The following ZNF678 variants were observed in gnomAD, a reference collection of about 807,000 sequenced individuals.
The protein encoded by ZNF678 is hypothetical protein MGC42493.
In ZNF678, 5 loss-of-function variants were observed where a neutral mutation model predicts 3.0. That is an observed-to-expected ratio of 1.69 (90% CI 0.88 to 3.56). The LOEUF (loss-of-function observed/expected upper bound fraction) is 3.56, where lower values mean the gene tolerates loss of function less well. ZNF678 is among the 30% of genes most tolerant of loss of function. The pLI is 0.00. For missense variants in ZNF678, 593 were observed against 605.0 expected, an observed-to-expected ratio of 0.98 and a Z score of 0.21; for synonymous variants, 218 against 199.6, an observed-to-expected ratio of 1.09 and a Z score of -0.78.
chr1:227,666,455 T>A (rs1456810535), downstream of ZNF678, among the ~76,000 whole-genome samples: 1 of 152,212 alleles, frequency 6.6e-6, no homozygotes, highest in Non-Finnish European at 1.5e-5. Context: ...CGTTCACTAA[T>A]GAGTCCTCTG....
rs571674223 is a variant in ZNF678, at chr1:227,629,106, G to A, written c.-163-17438G>A. ...TTGGGTTTCTGTACATTGGAGTATT[G>A]CAGGGGCTATTGCATGGTTTTACTA... On this transcript the variant is annotated intron_variant, in intron 1 of 3. Coordinates refer to ENST00000343776, the MANE Select transcript of ZNF678 (RefSeq NM_001367909.1). 1.6e-4 allele frequency among the ~76,000 whole-genome samples: 24 copies of A among 152,278 alleles called. No individual in the cohort carries two copies. The South Asian group carries it at 5.0e-3, about 32-fold the overall frequency.
chr1:227,609,217 A>C (rs956484397), intron 1 of ZNF678, among the ~76,000 whole-genome samples: 2 of 152,240 alleles, frequency 1.3e-5, no homozygotes, highest in Non-Finnish European at 2.9e-5. Context: ...TACAATGCAC[A>C]GTCAAAACAT....
intron 1 of ZNF678, among the ~76,000 whole-genome samples, chr1:227,635,099 A>AAAAG (rs58855256): frequency 6.6e-6 from 1 of 151,478 alleles, no homozygotes; most frequent in African/African-American, 2.4e-5. Context: ...AAAAAAAAAA[A>AAAAG]TCTTAATTCT....
At chr1:227,587,250 G>T (rs2102733997) in intron 1 of ZNF678, among the ~76,000 whole-genome samples, 1 of 74,858 alleles carries the variant, frequency 1.3e-5, no homozygotes, top group Admixed American at 1.3e-4. Flanking sequence ...GAGCATGTTA[G>T]ATTTTTTTTT....
intron 1 of ZNF678, among the ~76,000 whole-genome samples, chr1:227,610,757 C>A (rs1274537795): frequency 6.6e-6 from 1 of 152,108 alleles, no homozygotes; most frequent in Non-Finnish European, 1.5e-5. Flanking sequence ...GCTTTCCAAC[C>A]CCCCTAAGGT....
intron 1 of ZNF678, among the ~76,000 whole-genome samples, chr1:227,605,571 C>A (rs1048117326): frequency 6.6e-6 from 1 of 152,122 alleles, no homozygotes; most frequent in African/African-American, 2.4e-5. Flanking sequence ...TATATAGGTG[C>A]CCTTTAACAG....
intron 1 of ZNF678, among the ~76,000 whole-genome samples, chr1:227,580,254 C>T (rs1657091606): frequency 6.6e-6 from 1 of 152,128 alleles, no homozygotes; most frequent in African/African-American, 2.4e-5. Flanking sequence ...AAAAGCATAC[C>T]TGTCATCTCA....
intron 1 of ZNF678, among the ~76,000 whole-genome samples, chr1:227,644,108 G>A (rs896255713): frequency 2.0e-5 from 3 of 151,760 alleles, no homozygotes; most frequent in South Asian, 4.2e-4. Flanking sequence ...TAGGTGATCC[G>A]CCCGCCTCAG....
intron 1 of ZNF678, among the ~76,000 whole-genome samples, chr1:227,640,639 A>G (rs1658797166): frequency 6.6e-6 from 1 of 152,068 alleles, no homozygotes; most frequent in Non-Finnish European, 1.5e-5. Flanking sequence ...CGAATGTTCT[A>G]TTTGTGGGCC....
intron 1 of ZNF678, among the ~76,000 whole-genome samples, chr1:227,599,667 C>T (rs2999744): frequency 0.48 from 72,598 of 151,620 alleles, 18,600 homozygotes; most frequent in African/African-American, 0.67. Context: ...TTTTTTTTCC[C>T]GGCTACCATA....
intron 1 of ZNF678, among the ~76,000 whole-genome samples, chr1:227,632,668 C>T (rs778882951): frequency 2.6e-5 from 4 of 152,170 alleles, no homozygotes; most frequent in Non-Finnish European, 4.4e-5. Context: ...GGCAGCCACG[C>T]TGATCGTTTT....
In ZNF678 at chr1:227,658,920, T is replaced by C. The variant is rs975730573; in HGVS notation, c.*3092T>C. 1.3e-5 allele frequency: 2 copies of C among 152,004 alleles called. No homozygotes were observed. Among genetic ancestry groups the C allele is most frequent in the African/African-American group, 4.8e-5 (2 of 41,414 alleles). The allele number at this position is 152,004 out of a possible 1,614,324, so 9.4% of individuals were successfully genotyped here. On this transcript the variant is annotated 3_prime_UTR_variant, in exon 4 of 4. Transcript: ENST00000343776. ...ATGGTAGGCTATATATCATAATCAC[T>C]ATATAAAGAAACATCAGAATTTGGA...
At chr1:227,666,576 T>C (rs1299382426), downstream of ZNF678, among the ~76,000 whole-genome samples, 1 of 152,194 alleles carries the variant, frequency 6.6e-6, no homozygotes, top group African/African-American at 2.4e-5. Flanking sequence ...TTTTCTAAGT[T>C]TCTTATGCTC....
chr1:227,639,424 C>T (rs1054555013), intron 1 of ZNF678, among the ~76,000 whole-genome samples: 1 of 152,220 alleles, frequency 6.6e-6, no homozygotes, highest in South Asian at 2.1e-4. Flanking sequence ...GGTTTGAGGG[C>T]CGTCATCAAG....
At chr1:227,665,832 C>T (rs1443884398), downstream of ZNF678, among the ~76,000 whole-genome samples, 2 of 152,086 alleles carry the variant, frequency 1.3e-5, no homozygotes, top group Non-Finnish European at 1.5e-5. Flanking sequence ...TCCAGGGTCC[C>T]GTTATCCTCT....
Position 227,655,423 on chromosome 1 carries a change from C to G in ZNF678, c.1173C>G (p.Ser391Arg). ...ECGKAFNKFS[S>R]LTQHRRIHTG... ...GCAAAGCGTTTAACAAGTTCTCAAG[C>G]CTTACTCAACATAGGAGAATTCATA... The change falls in exon 4 of 4, where the codon AGC becomes AGG. Residue 391 changes from serine (S) to arginine (R), a missense_variant. Transcript: ENST00000343776. 1 of 1,612,312 alleles carries G rather than the reference C, an allele frequency of 6.2e-7. No homozygotes were observed. The highest frequency in any genetic ancestry group is 8.5e-7 in the Non-Finnish European group (1 of 1,179,170).
At chr1:227,593,741 A>G (rs1657480808) in intron 1 of ZNF678, among the ~76,000 whole-genome samples, 1 of 152,138 alleles carries the variant, frequency 6.6e-6, no homozygotes, top group Non-Finnish European at 1.5e-5. Flanking sequence ...AAAGAGTAAT[A>G]GAATAGATGA....
In ZNF678 at chr1:227,659,348, C is replaced by T. The variant is rs1659337622; in HGVS notation, c.*3520C>T. ...TAGTCATTTTCTGTATTAAAAAACT[C>T]AGAGATCTAGAGAGCTTTTGGATTG... On this transcript the variant is annotated 3_prime_UTR_variant, in exon 4 of 4. Coordinates refer to ENST00000343776, the MANE Select transcript of ZNF678 (RefSeq NM_001367909.1). The T allele has an allele frequency of 1.3e-5, 2 of 152,098 alleles. No individual in the cohort carries two copies. Among genetic ancestry groups the T allele is most frequent in the African/African-American group, 2.4e-5 (1 of 41,410 alleles). 9.4% of individuals were successfully genotyped at this position (152,098 alleles called of 1,614,324 possible). A position where few individuals can be genotyped will look rare whatever the true frequency, so the allele number is the denominator to read the frequency against.
intron 1 of ZNF678, among the ~76,000 whole-genome samples, chr1:227,635,340 T>G (rs186329799): frequency 6.6e-6 from 1 of 152,232 alleles, no homozygotes; most frequent in Non-Finnish European, 1.5e-5. Context: ...AGAATTTCTT[T>G]TGGAGAGAAG....
Sources: gnomAD v4.1 joint callset for allele counts (sites outside exome capture counted in the v4.1 genomes callset) on GRCh38, gnomAD v4.1.1 for gene constraint, MANE v1.5 for transcripts, NCBI Gene and HGNC (gene_info 2026-07-23, HGNC 2026-07-21) for gene names.